The following ABCC8 variants were observed in gnomAD, a reference collection of about 807,000 sequenced individuals.
ABCC8 encodes ATP-binding cassette sub-family C member 8.
Under a neutral mutation model 188.0 loss-of-function variants are expected in ABCC8, and 137 were observed. That is an observed-to-expected ratio of 0.73 (90% CI 0.63 to 0.84). The LOEUF (loss-of-function observed/expected upper bound fraction) is 0.84. ABCC8 is among the 40% of genes least tolerant of loss of function. The probability of loss-of-function intolerance (pLI) is 0.00; values close to 1 mark genes in which losing one functional copy is unlikely to be tolerated. For missense variants in ABCC8, 1,750 were observed against 2,072.7 expected (o/e 0.84, Z 3.02); for synonymous variants, 797 against 846.5 (o/e 0.94, Z 1.01).
rs757879928 is a variant in ABCC8 at position 17,393,099 on chromosome 11, G to T, written c.4638C>A (p.Asp1546Glu). Reference sequence around the variant, plus strand: ...CACCCCGCTTCAGGACGATCACCAGGTCTGCACTCAGGATGGTGTGCACTC... The same window carrying T: ...CACCCCGCTTCAGGACGATCACCAGTTCTGCACTCAGGATGGTGTGCACTC... ...AHRVHTILSA[D>E]LVIVLKRGAI... Residue 1546 changes from aspartate (D) to glutamate (E), a missense_variant, in exon 39 of 39, where the codon GAC (aspartate) becomes GAA (glutamate). Asp to Glu is a conservative substitution (Grantham distance 45, BLOSUM62 2). Coordinates refer to ENST00000389817, the MANE Select transcript of ABCC8 (RefSeq NM_000352.6). 1 of 1,613,860 alleles carries T rather than the reference G, an allele frequency of 6.2e-7. No homozygotes were observed. Among genetic ancestry groups the T allele is most frequent in the Non-Finnish European group, 8.5e-7 (1 of 1,179,930 alleles).
intron 6 of ABCC8, among the ~76,000 whole-genome samples, chr11:17,455,190 G>C (rs534452878): frequency 6.6e-6 from 1 of 152,156 alleles, no homozygotes; most frequent in East Asian, 1.9e-4. Flanking sequence ...ACAGGGAATG[G>C]TTAGGTAATT....
rs1953703760 is a variant in ABCC8, at chr11:17,392,982, T to C, written c.*9A>G. On this transcript the variant is annotated 3_prime_UTR_variant, in exon 39 of 39. Coordinates refer to ENST00000389817, the MANE Select transcript of ABCC8 (RefSeq NM_000352.6). ...TCCGAATGTGGGATGGCACTTGGGC[T>C]CTGGCAGGTCACTTGTCTGCACGGA... 1 of 1,614,036 alleles carries C rather than the reference T, an allele frequency of 6.2e-7. No homozygotes were observed. Among genetic ancestry groups the C allele is most frequent in the African/African-American group, 1.3e-5 (1 of 75,056 alleles).
chr11:17,459,970 G>T (rs545175754), intron 6 of ABCC8, among the ~76,000 whole-genome samples: 1 of 152,198 alleles, frequency 6.6e-6, no homozygotes, highest in African/African-American at 2.4e-5. Flanking sequence ...ATAAAACTAC[G>T]GGCAGCTTTG....
chr11:17,402,591 A>G lies in ABCC8; in HGVS notation c.3650+70T>C, dbSNP rs568315489. On this transcript the variant is annotated intron_variant, in intron 29 of 38. Transcript: ENST00000389817. ...TTCCCAAGTGGAGTCCTGAGAATCA[A>G]ATCTCATGGCCTGTGCCCCCTGGCC... 6.7e-5 allele frequency: 108 copies of G among 1,613,822 alleles called. No homozygotes were observed. In the African/African-American group the frequency reaches 1.2e-3, roughly 18 times the overall value.
At chr11:17,458,748 G>C (rs925286872) in intron 6 of ABCC8, among the ~76,000 whole-genome samples, 2 of 152,126 alleles carry the variant, frequency 1.3e-5, no homozygotes, top group East Asian at 1.9e-4. Flanking sequence ...TTGCATTCTT[G>C]GTTGAGCAAG....
At chr11:17,460,908 A>G in intron 5 of ABCC8, 2 of 765,674 alleles carry the variant, frequency 2.6e-6, no homozygotes, top group Non-Finnish European at 4.1e-6. Context: ...TGATTGCTCA[A>G]GGTCACACAG....
chr11:17,439,685 AGCTCTCCCCAGGG>A (rs1956238750), intron 10 of ABCC8, among the ~76,000 whole-genome samples: 1 of 152,022 alleles, frequency 6.6e-6, no homozygotes. Context: ...TGACTTTCAA[AGCTCTCCCCAGGG>A]GCTCTCCCCT....
rs745860035 is a variant in ABCC8, at chr11:17,406,969, C to A, written c.3081G>T (p.Val1027=). The A allele has an allele frequency of 4.3e-6, 7 of 1,614,188 alleles. No individual in the cohort carries two copies. Among genetic ancestry groups the A allele is most frequent in the Non-Finnish European group, 5.9e-6 (7 of 1,180,032 alleles). Residue 1027 remains valine (V), a synonymous_variant, in exon 25 of 39, where the codon GTG becomes GTT. Coordinates refer to ENST00000389817, the MANE Select transcript of ABCC8 (RefSeq NM_000352.6). ...FSQLLKHMVL[V]AIDYWLAKWT... is the part of the protein sequence containing the mutation. ...ACTTGGCCAGCCAGTAGTCGATGGCCACCAGGACCATGTGCTTGAGCAGCT... is the reference window on the plus strand; with the variant it reads ...ACTTGGCCAGCCAGTAGTCGATGGCAACCAGGACCATGTGCTTGAGCAGCT...
chr11:17,442,773 C>T lies in ABCC8; in HGVS notation c.1577G>A (p.Arg526His), dbSNP rs144481621. 1.2e-5 allele frequency: 19 copies of T among 1,613,854 alleles called. No homozygotes were observed. Among genetic ancestry groups the T allele is most frequent in the East Asian group, 2.2e-5 (1 of 44,880 alleles). Reference protein sequence around the residue: ...NIFRTRVETTRRKEMTSLRAF... With the variant: ...NIFRTRVETTHRKEMTSLRAF... Reference sequence around the variant, plus strand: ...CCTGAGGCTGGTCATCTCCTTCCTGCGGGTCGTCTCCACCCGCGTGCGGAA... The same window carrying T: ...CCTGAGGCTGGTCATCTCCTTCCTGTGGGTCGTCTCCACCCGCGTGCGGAA... The change falls in exon 10 of 39, where the codon CGC becomes CAC. Residue 526 changes from arginine (R) to histidine (H), a missense_variant. Arg to His is a conservative substitution (Grantham distance 29). Coordinates refer to ENST00000389817, the MANE Select transcript of ABCC8 (RefSeq NM_000352.6).
At chr11:17,396,091 G>C in intron 33 of ABCC8, 161 bp from the exon 34 acceptor site, 1 of 1,457,762 alleles carries the variant, frequency 6.9e-7, no homozygotes, top group Non-Finnish European at 9.2e-7. Context: ...GTTTGGGCTT[G>C]TTTCCTGCAG....
At chr11:17,449,729 C>A (rs74744448) in intron 7 of ABCC8, among the ~76,000 whole-genome samples, 5 of 152,144 alleles carry the variant, frequency 3.3e-5, no homozygotes, top group Admixed American at 2.0e-4. Flanking sequence ...GTGGGCTCCC[C>A]GCCCTTAATT....
At chr11:17,437,466 T>A (rs895083423) in intron 10 of ABCC8, among the ~76,000 whole-genome samples, 2 of 152,256 alleles carry the variant, frequency 1.3e-5, no homozygotes, top group Admixed American at 1.3e-4. Flanking sequence ...CTTTGTTGCC[T>A]GTGCAGGGCC....
chr11:17,432,716 A>T lies in ABCC8; in HGVS notation c.1631-472T>A, dbSNP rs138523828. 2.1e-3 allele frequency among the ~76,000 whole-genome samples: 320 copies of T among 152,204 alleles called. 1 individual carries two copies. The highest frequency in any genetic ancestry group is 7.3e-3 in the African/African-American group (303 of 41,512). On this transcript the variant is annotated intron_variant, in intron 10 of 38. Coordinates refer to ENST00000389817, the MANE Select transcript of ABCC8 (RefSeq NM_000352.6). ...GAAAATTTCAAACTCATTCTCACTG[A>T]GGTATTAGTAACTAAGGACAGCTTA...
chr11:17,413,652 A>G, intron 19 of ABCC8, 174 bp from the exon 20 acceptor site: 1 of 1,331,938 alleles, frequency 7.5e-7, no homozygotes, highest in Non-Finnish European at 1.0e-6. Context: ...AGCTGAGGTC[A>G]GCACTTCACA....
At position 17,408,711 on chromosome 11, in the gene ABCC8, G is replaced by A. The variant is rs150342651; in HGVS notation, c.2695-194C>T. 681 of 392,504 alleles carry A rather than the reference G, an allele frequency of 1.7e-3. 3 individuals are homozygous for A. The highest frequency in any genetic ancestry group is 2.0e-3 in the Non-Finnish European group (585 of 288,180). 24.3% of individuals were successfully genotyped at this position (392,504 alleles called of 1,614,324 possible). A position where few individuals can be genotyped will look rare whatever the true frequency, so the allele number is the denominator to read the frequency against. ...AACATACTCCTAGGACCTAGAGTTC[G>A]GTACATCTGAGGCGTATTTCTCAAT... On this transcript the variant is annotated intron_variant, in intron 22 of 38. Transcript: ENST00000389817.
intron 20 of ABCC8, 143 bp from the exon 21 acceptor site, chr11:17,412,889 A>G (rs942569561): frequency 6.6e-7 from 1 of 1,505,900 alleles, no homozygotes; most frequent in East Asian, 2.5e-5. Context: ...ATAGAGAAGG[A>G]ACTTGCACGT....
intron 24 of ABCC8, 89 bp downstream of exon 24, chr11:17,407,265 T>TTA: frequency 6.2e-7 from 1 of 1,611,420 alleles, no homozygotes; most frequent in Non-Finnish European, 8.5e-7. Context: ...GGCACACTAC[T>TTA]GCACCACACC....
At chr11:17,476,062 T>A (rs1848752050) in intron 1 of ABCC8, among the ~76,000 whole-genome samples, 1 of 152,114 alleles carries the variant, frequency 6.6e-6, no homozygotes, top group African/African-American at 2.4e-5. Context: ...GGGAAGGGAA[T>A]CCAAGTCCCT....
intron 10 of ABCC8, among the ~76,000 whole-genome samples, chr11:17,439,295 T>C (rs538912397): frequency 1.7e-4 from 26 of 152,166 alleles, no homozygotes; most frequent in Non-Finnish European, 3.8e-4. Context: ...CTCAGTGATA[T>C]TGATGGCGAG....
Sources: allele counts gnomAD v4.1 joint callset (sites outside exome capture counted in the v4.1 genomes callset), GRCh38; gene constraint gnomAD v4.1.1; transcripts MANE v1.5; gene names NCBI Gene and HGNC (gene_info 2026-07-23, HGNC 2026-07-21).